The following DECR2 variants were observed in gnomAD, a reference collection of about 807,000 sequenced individuals.
DECR2 encodes 2,4-dienoyl-CoA reductase 2.
DECR2 carries 34 observed loss-of-function variants against 29.2 expected under a neutral mutation model. That is an observed-to-expected ratio of 1.16 (90% CI 0.89 to 1.55). The LOEUF (loss-of-function observed/expected upper bound fraction) is 1.55, where lower values mean the gene tolerates loss of function less well. Ranked by LOEUF, DECR2 falls within the 40% of genes most tolerant of loss-of-function variation. DECR2 has a pLI of 0.00. For synonymous variants in DECR2, 224 were observed against 182.7 expected (o/e 1.23, Z -1.82); for missense variants, 485 against 425.3 (o/e 1.14, Z -1.23).
chr16:408,058 T>TCTCCGGGCCC (rs2054757969), intron 4 of DECR2, among the ~76,000 whole-genome samples: 1 of 4,914 alleles, frequency 2.0e-4, no homozygotes, highest in Non-Finnish European at 3.6e-4. Flanking sequence ...TCTCCGGCCC[T>TCTCCGGGCCC]CTGTCTCCGG....
intron 2 of DECR2, chr16:405,567 G>GGTA: frequency 7.7e-7 from 1 of 1,304,552 alleles, no homozygotes; most frequent in Non-Finnish European, 1.0e-6. Context: ...GCCTAGCAGG[G>GGTA]GTAGCTACCT....
At position 410,970 on chromosome 16, in the gene DECR2, A is replaced by G. The variant is rs1215896463; in HGVS notation, c.557-2A>G. ...TTTCATATCCAACTTTCTTCTGTGC[A>G]GACGCGATGACGCGGCACTTGGCTG... On this transcript the variant is annotated splice_acceptor_variant, in intron 6 of 8. Transcript: ENST00000219481. LOFTEE classifies it high-confidence loss of function. The surrounding 1 kb of genome is among the most constrained non-coding windows in gnomAD (Gnocchi z 4.1). 6.3e-7 allele frequency: 1 copy of G among 1,594,874 alleles called. No individual in the cohort carries two copies. The highest frequency in any genetic ancestry group is 8.5e-7 in the Non-Finnish European group (1 of 1,170,808).
chr16:408,321 C>T (rs568781435), intron 4 of DECR2, among the ~76,000 whole-genome samples: 2 of 149,124 alleles, frequency 1.3e-5, no homozygotes, highest in African/African-American at 2.5e-5. Context: ...GTCTCTGGCC[C>T]TCTGTCTCTG....
intron 1 of DECR2, 136 bp downstream of exon 1, chr16:402,179 C>G (rs1304187030): frequency 3.7e-6 from 2 of 545,888 alleles, no homozygotes; most frequent in Non-Finnish European, 5.4e-6. Context: ...TTTTTTCTTT[C>G]TTTTTTTTTT....
intron 7 of DECR2, 104 bp from the exon 8 acceptor site, chr16:411,257 G>A: frequency 1.6e-6 from 2 of 1,283,982 alleles, no homozygotes; most frequent in Non-Finnish European, 2.1e-6. Context: ...GACACTGACT[G>A]TGTCCTTGCT....
intron 7 of DECR2, 31 bp downstream of exon 7, chr16:411,107 C>G (rs761101396): frequency 1.0e-5 from 15 of 1,471,028 alleles, no homozygotes; most frequent in South Asian, 2.8e-5. Context: ...AGGCCTCCCA[C>G]AGATCCTCTC....
In DECR2 at chr16:402,021, C is replaced by T. The variant is rs750959238; in HGVS notation, c.58C>T (p.Leu20Phe). Residue 20 changes from leucine (L) to phenylalanine (F), a missense_variant, in exon 1 of 9, where the codon CTC (leucine) becomes TTC (phenylalanine). Coordinates refer to ENST00000219481, the MANE Select transcript of DECR2 (RefSeq NM_020664.4). ...GDDCLPAYRH[L>F]FCPDLLRDKV... ...CGACTGTCTCCCCGCGTACCGCCACCTCTTCTGCCCGGACCTGCTGCGGTG... is the reference window on the plus strand; with the variant it reads ...CGACTGTCTCCCCGCGTACCGCCACTTCTTCTGCCCGGACCTGCTGCGGTG... 3.4e-6 allele frequency: 5 copies of T among 1,484,878 alleles called. No individual in the cohort carries two copies. Among genetic ancestry groups the T allele is most frequent in the East Asian group, 5.8e-5 (2 of 34,572 alleles). 92.0% of individuals were successfully genotyped at this position (1,484,878 alleles called of 1,614,324 possible).
intron 4 of DECR2, among the ~76,000 whole-genome samples, chr16:407,783 CCTCTGTCTCCGGG>C (rs200641163): frequency 0.7 from 78,236 of 111,074 alleles, 24,423 homozygotes; most frequent in African/African-American, 0.82. Flanking sequence ...TGTCTCCGGG[CCTCTGTCTCCGGG>C]CTCTGTCTCC....
At position 405,942 on chromosome 16, in the gene DECR2, C is replaced by T. The variant is rs1648330704; in HGVS notation, c.150-404C>T. On this transcript the variant is annotated intron_variant, in intron 2 of 8. Coordinates refer to ENST00000219481, the MANE Select transcript of DECR2 (RefSeq NM_020664.4). ...TTCATAGAGGCCAACGTGGTGGATT[C>T]GCATCCACGTGGTCAGGAAGGGGAG... Among the ~76,000 whole-genome samples, 3 of 152,188 alleles carry T rather than the reference C, an allele frequency of 2.0e-5. No homozygotes were observed. The South Asian group carries it at 6.2e-4, about 32-fold the overall frequency.
chr16:402,218 A>G (rs1302791468), intron 1 of DECR2, among the ~76,000 whole-genome samples, 175 bp downstream of exon 1: 43 of 147,386 alleles, frequency 2.9e-4, no homozygotes, highest in Admixed American at 1.8e-3. Flanking sequence ...TGTGTCGCCC[A>G]GGCTGGAGTG....
At chr16:411,708 C>A in intron 8 of DECR2, 130 bp downstream of exon 8, 1 of 1,019,088 alleles carries the variant, frequency 9.8e-7, no homozygotes, top group Non-Finnish European at 1.4e-6. Flanking sequence ...CTGCGCCAGC[C>A]TGCCCACACA....
In DECR2 at chr16:408,759, T is replaced by C. The variant is rs150185285; in HGVS notation, c.337+1199T>C. Among the ~76,000 whole-genome samples, 1,449 of 152,178 alleles carry C rather than the reference T, an allele frequency of 9.5e-3. 23 individuals carry two copies. The highest frequency in any genetic ancestry group is 0.033 in the African/African-American group (1,360 of 41,492). On this transcript the variant is annotated intron_variant, in intron 4 of 8. Coordinates refer to ENST00000219481, the MANE Select transcript of DECR2 (RefSeq NM_020664.4). ...CTCAAACTCCTAGGCTCAAGCAATC[T>C]TCCTGCCTTGGCCTCCCAAAATGCT...
At chr16:408,235 G>A (rs1310898302) in intron 4 of DECR2, among the ~76,000 whole-genome samples, 1 of 140,394 alleles carries the variant, frequency 7.1e-6, no homozygotes, top group African/African-American at 2.7e-5. Context: ...CTCTGTCTCC[G>A]GGCCTCTGTC....
intron 1 of DECR2, chr16:403,152 C>A: frequency 2.4e-6 from 1 of 408,176 alleles, no homozygotes; most frequent in Non-Finnish European, 3.3e-6. Context: ...TCAGTGCGCC[C>A]AAGTGGGACT....
intron 4 of DECR2, among the ~76,000 whole-genome samples, chr16:408,663 A>C (rs2141814014): frequency 6.6e-6 from 1 of 151,734 alleles, no homozygotes; most frequent in South Asian, 2.1e-4. Flanking sequence ...GTGTGCCATC[A>C]CGCCTGGCTA....
chr16:406,878 C>A (rs2054731597), intron 3 of DECR2: 13 of 1,034,258 alleles, frequency 1.3e-5, no homozygotes, highest in Non-Finnish European at 1.5e-5. Flanking sequence ...TCCCAAAGTG[C>A]CAGGATTACA....
At position 411,481 on chromosome 16, in the gene DECR2, C is replaced by G. The variant is rs367552533; in HGVS notation, c.782C>G (p.Thr261Arg). 3 of 1,613,944 alleles carry G rather than the reference C, an allele frequency of 1.9e-6. No individual in the cohort carries two copies. The East Asian group carries it at 6.7e-5, about 36-fold the overall frequency. The change falls in exon 8 of 9, where the codon ACG becomes AGG. Residue 261 changes from threonine to arginine, a missense_variant. Transcript: ENST00000219481. Reference protein sequence around the residue: ...YLASPLASYVTGAVLVADGGA... With the variant: ...YLASPLASYVRGAVLVADGGA... ...GCCAGCCCTCTGGCTTCCTACGTGA[C>G]GGGGGCCGTGCTGGTGGCCGATGGC...
chr16:403,216 C>T (rs1191849038), intron 1 of DECR2, among the ~76,000 whole-genome samples: 1 of 103,366 alleles, frequency 9.7e-6, no homozygotes, highest in African/African-American at 3.6e-5. Flanking sequence ...AGGTGAGTGT[C>T]ACCATGTTGG....
intron 4 of DECR2, among the ~76,000 whole-genome samples, chr16:409,233 G>A (rs1408187941): frequency 8.7e-5 from 13 of 148,584 alleles, no homozygotes; most frequent in African/African-American, 1.2e-4. Context: ...GTGCAGTGGC[G>A]CAATCTTGGC....
Sources: allele counts gnomAD v4.1 joint callset (sites outside exome capture counted in the v4.1 genomes callset), GRCh38; gene constraint gnomAD v4.1.1; non-coding constraint Gnocchi (gnomAD v3.1); transcripts MANE v1.5; gene names NCBI Gene and HGNC (gene_info 2026-07-23, HGNC 2026-07-21).